The following KCNIP4 variants were observed in gnomAD, a reference collection of about 807,000 sequenced individuals.
The protein encoded by KCNIP4 is potassium voltage-gated channel interacting protein 4, also known as Kv channel-interacting protein 4.
In KCNIP4, 12 loss-of-function variants were observed where a neutral mutation model predicts 34.0. The ratio of observed to expected loss-of-function variants is 0.35; its 90% CI spans 0.23 to 0.57. The LOEUF (loss-of-function observed/expected upper bound fraction) is 0.57, where lower values mean the gene tolerates loss of function less well. KCNIP4 is among the 20% of genes least tolerant of loss of function. The pLI is 0.83. For missense variants in KCNIP4, 238 were observed against 311.7 expected (o/e 0.76, Z 1.78); for synonymous variants, 124 against 102.2 (o/e 1.21, Z -1.29).
At chr4:21,047,126 A>G (rs1742497194) in intron 1 of KCNIP4, among the ~76,000 whole-genome samples, 1 of 152,226 alleles carries the variant, frequency 6.6e-6, no homozygotes, top group African/African-American at 2.4e-5. Context: ...CTTCTCATTG[A>G]CAAAACAGAT....
chr4:21,809,390 T>A (rs1247232237), intron 1 of KCNIP4, among the ~76,000 whole-genome samples: 1 of 152,182 alleles, frequency 6.6e-6, no homozygotes. Flanking sequence ...CAAATTGAAT[T>A]ACACCACTGG....
chr4:20,984,239 T>C (rs1025683537), intron 1 of KCNIP4, among the ~76,000 whole-genome samples: 1 of 152,160 alleles, frequency 6.6e-6, no homozygotes, highest in Non-Finnish European at 1.5e-5. Flanking sequence ...GAGGGAAACG[T>C]CTGTCGGAGA....
intron 1 of KCNIP4, among the ~76,000 whole-genome samples, chr4:21,042,831 A>C (rs764149960): frequency 6.6e-6 from 1 of 152,156 alleles, no homozygotes; most frequent in Non-Finnish European, 1.5e-5. Flanking sequence ...AAGCAAAAGG[A>C]AGGTGAGAAT....
chr4:20,842,264 T>C (rs1355845515), intron 3 of KCNIP4, among the ~76,000 whole-genome samples: 1 of 152,116 alleles, frequency 6.6e-6, no homozygotes, highest in African/African-American at 2.4e-5. Context: ...GGAGAAGGTG[T>C]AGCTGTTGTC....
chr4:20,843,867 A>G (rs1720054568), intron 3 of KCNIP4, among the ~76,000 whole-genome samples: 1 of 152,248 alleles, frequency 6.6e-6, no homozygotes, highest in African/African-American at 2.4e-5. Context: ...TAAAAACACA[A>G]TTTCGTTCAC....
At chr4:20,737,296 G>C (rs547072669) in intron 5 of KCNIP4, among the ~76,000 whole-genome samples, 1,177 of 111,708 alleles carry the variant, frequency 0.011, 19 homozygotes, top group African/African-American at 0.041. Context: ...TGTTCATTTT[G>C]CTCCAAGGTT....
At chr4:21,212,736 A>G (rs1183240843) in intron 1 of KCNIP4, among the ~76,000 whole-genome samples, 1 of 152,138 alleles carries the variant, frequency 6.6e-6, no homozygotes, top group East Asian at 1.9e-4. Flanking sequence ...ACTGTTTTAT[A>G]AAGTCACTAA....
chr4:21,879,995 T>C (rs969695553), intron 1 of KCNIP4, among the ~76,000 whole-genome samples: 1 of 152,160 alleles, frequency 6.6e-6, no homozygotes, highest in African/African-American at 2.4e-5. Flanking sequence ...TCCACCATGA[T>C]TGTAAGTTTC....
intron 1 of KCNIP4, among the ~76,000 whole-genome samples, chr4:21,193,520 C>T (rs1290396257): frequency 6.6e-6 from 1 of 151,548 alleles, no homozygotes; most frequent in East Asian, 1.9e-4. Context: ...TCTGGGTATG[C>T]AAAGCTCCCT....
intron 1 of KCNIP4, among the ~76,000 whole-genome samples, chr4:21,081,758 A>G (rs924009318): frequency 1.3e-5 from 2 of 151,880 alleles, no homozygotes; most frequent in Non-Finnish European, 2.9e-5. Flanking sequence ...GAAAAGGCCA[A>G]TTGCTGATAA....
chr4:21,210,820 A>G (rs1757172536), intron 1 of KCNIP4, among the ~76,000 whole-genome samples: 1 of 152,216 alleles, frequency 6.6e-6, no homozygotes, highest in Non-Finnish European at 1.5e-5. Context: ...TAAAGAGCTA[A>G]AGAGATCTCA....
chr4:21,090,824 C>G (rs1011183509), intron 1 of KCNIP4, among the ~76,000 whole-genome samples: 1 of 151,986 alleles, frequency 6.6e-6, no homozygotes, highest in Non-Finnish European at 1.5e-5. Flanking sequence ...TCTCTTCACA[C>G]GTTTGTGAAA....
intron 1 of KCNIP4, among the ~76,000 whole-genome samples, chr4:21,708,488 A>G (rs935526226): frequency 6.6e-6 from 1 of 152,148 alleles, no homozygotes; most frequent in Non-Finnish European, 1.5e-5. Context: ...AAGCGACATA[A>G]GCCAAATACC....
intron 1 of KCNIP4, among the ~76,000 whole-genome samples, chr4:21,334,128 T>A (rs1715924149): frequency 6.6e-6 from 1 of 152,050 alleles, no homozygotes; most frequent in East Asian, 1.9e-4. Flanking sequence ...GGCAGTGGCA[T>A]GGTGGTTGAG....
intron 1 of KCNIP4, among the ~76,000 whole-genome samples, chr4:21,291,867 AAAAGAAAGAAAG>A (rs1211617062): frequency 0.065 from 3,311 of 50,972 alleles, 275 homozygotes; most frequent in Non-Finnish European, 0.079. Flanking sequence ...AAAAAAAAAA[AAAAGAAAGAAAG>A]AAAGAAAGAA....
intron 1 of KCNIP4, among the ~76,000 whole-genome samples, chr4:21,332,557 T>G (rs1715762812): frequency 6.6e-6 from 1 of 151,904 alleles, no homozygotes; most frequent in Non-Finnish European, 1.5e-5. Context: ...GTCCAACATC[T>G]CAAGTCAGAA....
chr4:21,064,340 A>G (rs1321972967), intron 1 of KCNIP4, among the ~76,000 whole-genome samples: 1 of 152,076 alleles, frequency 6.6e-6, no homozygotes, highest in Non-Finnish European at 1.5e-5. Flanking sequence ...TTCAAAGGGA[A>G]TGCTTTATGA....
At chr4:21,316,843 C>A (rs1359686922) in intron 1 of KCNIP4, among the ~76,000 whole-genome samples, 2 of 152,166 alleles carry the variant, frequency 1.3e-5, no homozygotes, top group Admixed American at 6.6e-5. Context: ...CATTCAAATG[C>A]ATTGTCTTGA....
chr4:21,094,484 A>G (rs377142826), intron 1 of KCNIP4, among the ~76,000 whole-genome samples: 2 of 152,188 alleles, frequency 1.3e-5, no homozygotes, highest in Non-Finnish European at 2.9e-5. Context: ...CTGGGAGGAT[A>G]ATATAAAACA....
Sources: gnomAD v4.1 joint callset for allele counts (sites outside exome capture counted in the v4.1 genomes callset) on GRCh38, gnomAD v4.1.1 for gene constraint, MANE v1.5 for transcripts, NCBI Gene and HGNC (gene_info 2026-07-23, HGNC 2026-07-21) for gene names.